The following PDLIM5 variants were observed in gnomAD, a reference collection of about 807,000 sequenced individuals.
The protein encoded by PDLIM5 is PDZ and LIM domain 5, also known as PDZ and LIM domain protein 5.
A neutral mutation model predicts 64.2 loss-of-function variants in PDLIM5; 34 were observed. The ratio of observed to expected loss-of-function variants is 0.53; its 90% CI spans 0.40 to 0.71. The LOEUF is 0.71. Ranked by LOEUF, PDLIM5 falls within the 30% of genes least tolerant of loss-of-function variation. PDLIM5 has a pLI of 0.00. For missense variants in PDLIM5, 683 were observed against 733.6 expected, an observed-to-expected ratio of 0.93 and a Z score of 0.80; for synonymous variants, 253 against 269.1, an observed-to-expected ratio of 0.94 and a Z score of 0.59.
At chr4:94,631,509 A>G (rs1740145893) in intron 8 of PDLIM5, among the ~76,000 whole-genome samples, 3 of 152,206 alleles carry the variant, frequency 2.0e-5, no homozygotes, top group Admixed American at 2.0e-4. Flanking sequence ...TAAGGAAATT[A>G]AAATAGCAGA....
intron 2 of PDLIM5, among the ~76,000 whole-genome samples, chr4:94,463,596 A>G (rs188800521): frequency 6.6e-6 from 1 of 152,126 alleles, no homozygotes; most frequent in Non-Finnish European, 1.5e-5. Flanking sequence ...AGGGTGTGCC[A>G]GGTAGGTTAG....
chr4:94,613,883 T>C (rs773293738), intron 7 of PDLIM5, among the ~76,000 whole-genome samples: 1 of 152,054 alleles, frequency 6.6e-6, no homozygotes, highest in South Asian at 2.1e-4. Flanking sequence ...ACATTAATCA[T>C]TAGAAGTTTC....
At chr4:94,538,418 CT>C (rs1382101074) in intron 3 of PDLIM5, among the ~76,000 whole-genome samples, 2 of 152,100 alleles carry the variant, frequency 1.3e-5, no homozygotes, top group Admixed American at 6.5e-5. Flanking sequence ...AAAAGATTGC[CT>C]ACTGTGACAG....
In PDLIM5 at chr4:94,452,012, C is replaced by T. The variant is rs889637244; in HGVS notation, c.-43+17C>T. ...GGACCCGAGGTGAGTGGCGGCCGGC[C>T]GGCGATGCGCCTCTCGGATCTCCGG... On this transcript the variant is annotated intron_variant, in intron 1 of 12. Transcript: ENST00000317968. 3 of 152,208 alleles carry T rather than the reference C, an allele frequency of 2.0e-5. No individual in the cohort carries two copies. Among genetic ancestry groups the T allele is most frequent in the Non-Finnish European group, 4.4e-5 (3 of 68,114 alleles). The allele number at this position is 152,208 out of a possible 1,614,324, so 9.4% of individuals were successfully genotyped here.
chr4:94,596,916 T>C (rs1388848786), intron 7 of PDLIM5, among the ~76,000 whole-genome samples: 1 of 152,100 alleles, frequency 6.6e-6, no homozygotes, highest in Non-Finnish European at 1.5e-5. Context: ...GTTTTTCTAT[T>C]TTTGTATCTA....
At chr4:94,528,868 C>T (rs919920546) in intron 3 of PDLIM5, among the ~76,000 whole-genome samples, 4 of 152,226 alleles carry the variant, frequency 2.6e-5, no homozygotes, top group Admixed American at 1.3e-4. Flanking sequence ...ATAACCTTCT[C>T]ACTGTGGCTT....
At chr4:94,538,081 A>C in intron 3 of PDLIM5, among the ~76,000 whole-genome samples, 1 of 152,174 alleles carries the variant, frequency 6.6e-6, no homozygotes, top group East Asian at 1.9e-4. Flanking sequence ...CCCTGTTAAG[A>C]GTATTAACAG....
At position 94,566,989 on chromosome 4, in the gene PDLIM5, G is replaced by A. The variant is rs112489297; in HGVS notation, c.249-6362G>A. Among the ~76,000 whole-genome samples the A allele has an allele frequency of 7.4e-3, 1,133 of 152,204 alleles. 21 individuals carry two copies. The highest frequency in any genetic ancestry group is 0.025 in the African/African-American group (1,027 of 41,550). On this transcript the variant is annotated intron_variant, in intron 3 of 12. Transcript: ENST00000317968. ...ATCTTAACTATATTTGGTGGTTTTT[G>A]TTTGTTTCTTTGTTTGTTTTATGAG...
chr4:94,545,798 T>G (rs1417002812), intron 3 of PDLIM5, among the ~76,000 whole-genome samples: 1 of 152,228 alleles, frequency 6.6e-6, no homozygotes, highest in Non-Finnish European at 1.5e-5. Flanking sequence ...AGCCTATTTG[T>G]TAAGGTCATG....
At chr4:94,562,668 A>G (rs996701125) in intron 3 of PDLIM5, among the ~76,000 whole-genome samples, 10 of 152,226 alleles carry the variant, frequency 6.6e-5, no homozygotes, top group Middle Eastern at 3.2e-3. Context: ...TGTGAGTAAC[A>G]TACGTTGTGA....
intron 2 of PDLIM5, among the ~76,000 whole-genome samples, chr4:94,471,198 A>G (rs1724841067): frequency 2.0e-5 from 3 of 152,180 alleles, no homozygotes; most frequent in Admixed American, 6.5e-5. Flanking sequence ...AGCTTTTTAT[A>G]AATTCAGGGT....
At chr4:94,594,790 A>G (rs1736940511) in intron 7 of PDLIM5, among the ~76,000 whole-genome samples, 1 of 152,206 alleles carries the variant, frequency 6.6e-6, no homozygotes, top group African/African-American at 2.4e-5. Flanking sequence ...AAGGATATCT[A>G]AAATAATGAT....
chr4:94,574,550 T>G (rs557254164), intron 4 of PDLIM5, among the ~76,000 whole-genome samples: 15 of 151,780 alleles, frequency 9.9e-5, no homozygotes, highest in Non-Finnish European at 2.1e-4. Flanking sequence ...TTCTTAAAAT[T>G]AAACAGTAGA....
Position 94,585,591 on chromosome 4 carries a change from G to T in PDLIM5, c.737G>T (p.Arg246Leu), listed in dbSNP as rs141403934. The stretch of plus-strand genomic sequence containing the variant: ...CCACCAAGAAAACACATTGTGGAGC[G>T]CTATACAGAGTTTTATCATGTACCC... ...NGPPRKHIVE[R>L]YTEFYHVPTH... The change falls in exon 6 of 13, where the codon CGC becomes CTC. Residue 246 changes from arginine to leucine, a missense_variant. Coordinates refer to ENST00000317968, the MANE Select transcript of PDLIM5 (RefSeq NM_006457.5). 1.3e-5 allele frequency: 21 copies of T among 1,609,990 alleles called. No individual in the cohort carries two copies. The highest frequency in any genetic ancestry group is 3.4e-5 in the Admixed American group (2 of 59,584).
At chr4:94,639,239 T>C (rs1363118055) in intron 8 of PDLIM5, among the ~76,000 whole-genome samples, 2 of 151,892 alleles carry the variant, frequency 1.3e-5, no homozygotes, top group Non-Finnish European at 2.9e-5. Flanking sequence ...CAAAGAGCAG[T>C]GTAAGATGAG....
intron 7 of PDLIM5, among the ~76,000 whole-genome samples, chr4:94,616,204 G>A (rs372495920): frequency 9.9e-5 from 15 of 151,812 alleles, no homozygotes; most frequent in East Asian, 3.9e-4. Context: ...AATCAAATCC[G>A]CAAGGGTAAT....
At chr4:94,519,561 T>C (rs1012622190) in intron 2 of PDLIM5, among the ~76,000 whole-genome samples, 11 of 152,170 alleles carry the variant, frequency 7.2e-5, no homozygotes, top group Admixed American at 6.5e-4. Context: ...CATAGACAAG[T>C]TATTTAATCA....
intron 2 of PDLIM5, among the ~76,000 whole-genome samples, chr4:94,498,312 T>C (rs1346238185): frequency 2.6e-5 from 4 of 152,210 alleles, no homozygotes; most frequent in Non-Finnish European, 5.9e-5. Flanking sequence ...TGCTTTTGTG[T>C]TTTCATATTT....
chr4:94,600,551 AC>A (rs1301222621), intron 7 of PDLIM5, among the ~76,000 whole-genome samples: 1 of 152,252 alleles, frequency 6.6e-6, no homozygotes, highest in Non-Finnish European at 1.5e-5. Flanking sequence ...TCTGAAAAAT[AC>A]CTTTATTGTT....
Sources: allele counts gnomAD v4.1 joint callset (sites outside exome capture counted in the v4.1 genomes callset), GRCh38; gene constraint gnomAD v4.1.1; transcripts MANE v1.5; gene names NCBI Gene and HGNC (gene_info 2026-07-23, HGNC 2026-07-21).